Variants in PCDHA7 observed in about 807,000 individuals in gnomAD.
PCDHA7 encodes protocadherin alpha-7.
In PCDHA7, 37 loss-of-function variants were observed where a neutral mutation model predicts 57.2. That is an observed-to-expected ratio of 0.65 (90% CI 0.50 to 0.85). The LOEUF is 0.85. Ranked by LOEUF, PCDHA7 falls within the 40% of genes least tolerant of loss-of-function variation. The pLI is 0.00. For missense variants in PCDHA7, 1,188 were observed against 1,241.8 expected (o/e 0.96, Z 0.65); for synonymous variants, 553 against 558.8 (o/e 0.99, Z 0.15).
chr5:141,000,223 G>C (rs1190945878), intron 3 of PCDHA7, among the ~76,000 whole-genome samples: 1 of 151,642 alleles, frequency 6.6e-6, no homozygotes, highest in African/African-American at 2.4e-5. Context: ...AAATGCCTGT[G>C]TGGAGCTGAA....
intron 1 of PCDHA7, among the ~76,000 whole-genome samples, chr5:140,931,054 G>A (rs2087273007): frequency 6.6e-6 from 1 of 152,180 alleles, no homozygotes; most frequent in Admixed American, 6.5e-5. Context: ...CTTCAATGCT[G>A]TGTCTGGGAC....
At chr5:140,923,045 T>C (rs1554201134) in intron 1 of PCDHA7, among the ~76,000 whole-genome samples, 1 of 152,226 alleles carries the variant, frequency 6.6e-6, no homozygotes, top group Non-Finnish European at 1.5e-5. Context: ...ATGTATAGTA[T>C]TTAGAATAAA....
chr5:141,009,880 C>T lies in PCDHA7; in HGVS notation c.2757C>T (p.Asn919=). ...AAAAGAAGAAAAAGAAGAAGGGTAACAAGACCCAGGAGAAAAAAGAGAAAG... is the reference window on the plus strand; with the variant it reads ...AAAAGAAGAAAAAGAAGAAGGGTAATAAGACCCAGGAGAAAAAAGAGAAAG... The part of the protein sequence containing the change: ...TKKKKKKKKG[N]KTQEKKEKGN... Residue 919 remains asparagine, a synonymous_variant, in exon 4 of 4, where the codon AAC becomes AAT. Transcript: ENST00000525929. 1 of 1,613,788 alleles carries T rather than the reference C, an allele frequency of 6.2e-7. No individual in the cohort carries two copies. The highest frequency in any genetic ancestry group is 8.5e-7 in the Non-Finnish European group (1 of 1,179,974).
chr5:140,928,989 A>T (rs1554206541), intron 1 of PCDHA7: 1 of 1,613,824 alleles, frequency 6.2e-7, no homozygotes, highest in Non-Finnish European at 8.5e-7. Context: ...TGGGGTGCTT[A>T]CTTTTCTTCG....
intron 1 of PCDHA7, among the ~76,000 whole-genome samples, chr5:140,942,387 G>A (rs1398449068): frequency 1.3e-5 from 2 of 151,808 alleles, no homozygotes; most frequent in Admixed American, 1.3e-4. Context: ...ATTCCAGCCT[G>A]GGCGACAGAT....
rs1263474406 is a variant in PCDHA7, at chr5:140,967,341, A to G, written c.2356-11608A>G. ...ACCTACGAGCTCAGCCCCAGCGAGCACTTCGAGCTGGACCTTAAGCCCCTG... is the reference window on the plus strand; with the variant it reads ...ACCTACGAGCTCAGCCCCAGCGAGCGCTTCGAGCTGGACCTTAAGCCCCTG... On this transcript the variant is annotated intron_variant, in intron 1 of 3. Coordinates refer to ENST00000525929, the MANE Select transcript of PCDHA7 (RefSeq NM_018910.3). 3 of 1,607,922 alleles carry G rather than the reference A, an allele frequency of 1.9e-6. No homozygotes were observed. The highest frequency in any genetic ancestry group is 1.3e-5 in the African/African-American group (1 of 74,782).
At chr5:140,987,322 T>G (rs1160600975) in intron 3 of PCDHA7, among the ~76,000 whole-genome samples, 3 of 152,200 alleles carry the variant, frequency 2.0e-5, no homozygotes, top group Non-Finnish European at 4.4e-5. Flanking sequence ...CTGTGAAGTT[T>G]TAAGAACTGG....
Position 141,010,029 on chromosome 5 carries a change from A to G in PCDHA7, c.*92A>G, listed in dbSNP as rs2098415771. 1.1e-5 allele frequency: 17 copies of G among 1,580,452 alleles called. No individual in the cohort carries two copies. In the Admixed American group the frequency reaches 3.1e-4, roughly 29 times the overall value. On this transcript the variant is annotated 3_prime_UTR_variant, in exon 4 of 4. Coordinates refer to ENST00000525929, the MANE Select transcript of PCDHA7 (RefSeq NM_018910.3). ...AATTCCCTGCTCCTTTTTCCTATCT[A>G]CATGAGCCCTCTTAGAGACCTCAGA...
rs2150469499 is a variant in PCDHA7 at position 140,850,144 on chromosome 5, C to T, written c.2355+13406C>T. 59 of 1,595,512 alleles carry T rather than the reference C, an allele frequency of 3.7e-5. 6 individuals carry two copies. Among genetic ancestry groups the T allele is most frequent in the Non-Finnish European group, 4.5e-5 (53 of 1,167,848 alleles). On this transcript the variant is annotated intron_variant, in intron 1 of 3. Coordinates refer to ENST00000525929, the MANE Select transcript of PCDHA7 (RefSeq NM_018910.3). ...GTGCCGCCTCTGGGCAGCAACGTGA[C>T]GCTGCAGGTGTTCGTGCTGGACGAG... is the stretch of plus-strand genomic sequence containing the variant.
intron 1 of PCDHA7, among the ~76,000 whole-genome samples, chr5:140,916,590 G>A (rs1022726274): frequency 2.0e-5 from 3 of 152,182 alleles, no homozygotes; most frequent in Non-Finnish European, 4.4e-5. Flanking sequence ...CCATGAGCTA[G>A]GGCCTGGAAT....
intron 1 of PCDHA7, chr5:140,848,959 A>C (rs1554142632): frequency 1.9e-6 from 3 of 1,606,524 alleles, no homozygotes; most frequent in Admixed American, 3.4e-5. Context: ...TTTCCACTAG[A>C]GGGCGCGTCC....
intron 1 of PCDHA7, among the ~76,000 whole-genome samples, chr5:140,921,897 A>G (rs1414353237): frequency 2.0e-5 from 3 of 152,124 alleles, no homozygotes; most frequent in Non-Finnish European, 2.9e-5. Flanking sequence ...AAAGGAGGAT[A>G]AATATATATT....
chr5:140,841,710 C>G (rs2150321322), intron 1 of PCDHA7: 2 of 1,613,856 alleles, frequency 1.2e-6, no homozygotes, highest in African/African-American at 1.3e-5. Context: ...AATGACAACC[C>G]GCCAGTGTTC....
At chr5:141,003,158 A>G (rs902811266) in intron 3 of PCDHA7, among the ~76,000 whole-genome samples, 4 of 152,222 alleles carry the variant, frequency 2.6e-5, no homozygotes, top group Non-Finnish European at 5.9e-5. Context: ...GACCTGATCA[A>G]TCCTAGTCCC....
rs558801074 is a variant in PCDHA7 at position 140,931,826 on chromosome 5, G to A, written c.2356-47123G>A. On this transcript the variant is annotated intron_variant, in intron 1 of 3. Transcript: ENST00000525929. ...TCTTTAGAAAAGAATTCTTGTCATA[G>A]TATCCTGAATGCCTTAATAACAACA... Among the ~76,000 whole-genome samples, 28 of 151,962 alleles carry A rather than the reference G, an allele frequency of 1.8e-4. No homozygotes were observed. In the South Asian group the frequency reaches 5.4e-3, roughly 29 times the overall value.
Position 140,924,861 on chromosome 5 carries a change from C to T in PCDHA7, c.2356-54088C>T, listed in dbSNP as rs150955497. ...AGGGAGCTCAGATCGTGCCACTGCA[C>T]TCCAGCCTGGGTGACAGAGCAAGAA... On this transcript the variant is annotated intron_variant, in intron 1 of 3. Transcript: ENST00000525929. Among the ~76,000 whole-genome samples, 427 of 150,140 alleles carry T rather than the reference C, an allele frequency of 2.8e-3. 1 individual carries two copies. The highest frequency in any genetic ancestry group is 0.01 in the African/African-American group (408 of 40,512).
chr5:140,907,932 A>T (rs1291390398), intron 1 of PCDHA7, among the ~76,000 whole-genome samples: 1 of 152,202 alleles, frequency 6.6e-6, no homozygotes, highest in Non-Finnish European at 1.5e-5. Context: ...GTCCATTCAC[A>T]TACCTTTTCC....
At chr5:140,869,920 G>GTC in intron 1 of PCDHA7, 1 of 1,611,398 alleles carries the variant, frequency 6.2e-7, no homozygotes, top group Non-Finnish European at 8.5e-7. Context: ...AGACGAAGGA[G>GTC]TCAATGGAGA....
rs2150347942 is a variant in PCDHA7 at position 140,842,929 on chromosome 5, C to G, written c.2355+6191C>G. On this transcript the variant is annotated intron_variant, in intron 1 of 3. Coordinates refer to ENST00000525929, the MANE Select transcript of PCDHA7 (RefSeq NM_018910.3). ...TAGAGCTGCTGCAGTTCCAGGTGAG[C>G]GCGCGCGACGCGGGCGTGCCGCCTC... is the stretch of plus-strand genomic sequence containing the variant. The G allele has an allele frequency of 1.2e-5, 19 of 1,594,384 alleles. No individual in the cohort carries two copies. The East Asian group carries it at 3.8e-4, about 32-fold the overall frequency.
Sources: gnomAD v4.1 joint callset for allele counts (sites outside exome capture counted in the v4.1 genomes callset) on GRCh38, gnomAD v4.1.1 for gene constraint, MANE v1.5 for transcripts, NCBI Gene and HGNC (gene_info 2026-07-23, HGNC 2026-07-21) for gene names.